Variants in SCHIP1 observed in about 807,000 individuals in gnomAD.
The protein encoded by SCHIP1 is schwannomin-interacting protein 1.
In SCHIP1, 8 loss-of-function variants were observed where a neutral mutation model predicts 29.7. That is an observed-to-expected ratio of 0.27 (90% CI 0.16 to 0.49). SCHIP1 has a LOEUF of 0.49. SCHIP1 is among the 20% of genes least tolerant of loss of function. The probability of loss-of-function intolerance (pLI) is 0.99; values close to 1 mark genes in which losing one functional copy is unlikely to be tolerated. For missense variants in SCHIP1, 193 were observed against 294.6 expected (o/e 0.66, Z 2.52); for synonymous variants, 76 against 94.9 (o/e 0.80, Z 1.16).
the SCHIP1 span, among the ~76,000 whole-genome samples, chr3:159,346,453 T>A: frequency 6.6e-6 from 1 of 151,988 alleles, no homozygotes; most frequent in African/African-American, 2.4e-5. Flanking sequence ...AGGAAAAAAA[T>A]GAAAGCATAT....
chr3:159,616,254 A>G, the SCHIP1 span, among the ~76,000 whole-genome samples: 1 of 152,142 alleles, frequency 6.6e-6, no homozygotes, highest in Non-Finnish European at 1.5e-5. Flanking sequence ...ATGTGCCACC[A>G]TGCCCAACTA....
the SCHIP1 span, among the ~76,000 whole-genome samples, chr3:159,365,461 C>T: frequency 6.6e-6 from 1 of 152,080 alleles, no homozygotes; most frequent in Non-Finnish European, 1.5e-5. Context: ...ATCACTTTCT[C>T]ATACTATATA....
the SCHIP1 span, chr3:159,273,683 C>G: frequency 4.8e-6 from 7 of 1,443,994 alleles, no homozygotes; most frequent in Non-Finnish European, 6.4e-6. Context: ...AAAAGCATCA[C>G]TTATTTAGTG....
intron 1 of SCHIP1, among the ~76,000 whole-genome samples, chr3:159,860,520 C>CT: frequency 6.6e-6 from 1 of 152,262 alleles, no homozygotes; most frequent in African/African-American, 2.4e-5. Flanking sequence ...GGATGCTAGA[C>CT]GTGGTATCTG....
the SCHIP1 span, among the ~76,000 whole-genome samples, chr3:159,665,002 A>T: frequency 6.6e-6 from 1 of 152,232 alleles, no homozygotes; most frequent in Admixed American, 6.5e-5. Context: ...AAAGGCCTGA[A>T]AACCAGGAGT....
chr3:159,349,228 G>T, the SCHIP1 span, among the ~76,000 whole-genome samples: 1 of 152,166 alleles, frequency 6.6e-6, no homozygotes, highest in African/African-American at 2.4e-5. Context: ...CCAGTGATAT[G>T]AGACAGCACC....
the SCHIP1 span, among the ~76,000 whole-genome samples, chr3:159,795,353 G>C: frequency 1.3e-5 from 2 of 152,192 alleles, no homozygotes; most frequent in African/African-American, 4.8e-5. Context: ...CCACTCACTA[G>C]CTATGTGATC....
At chr3:159,809,852 T>C in the SCHIP1 span, among the ~76,000 whole-genome samples, 5 of 151,814 alleles carry the variant, frequency 3.3e-5, no homozygotes, top group Non-Finnish European at 5.9e-5. Flanking sequence ...AATACAAAAA[T>C]TAGCTGGGGC....
At chr3:159,519,869 AAAT>A in the SCHIP1 span, among the ~76,000 whole-genome samples, 2 of 143,792 alleles carry the variant, frequency 1.4e-5, no homozygotes, top group South Asian at 2.3e-4. Flanking sequence ...AAGAAAAAAA[AAAT>A]ATATATATAT....
chr3:159,737,213 C>T, the SCHIP1 span, among the ~76,000 whole-genome samples: 1 of 152,144 alleles, frequency 6.6e-6, no homozygotes, highest in Non-Finnish European at 1.5e-5. Flanking sequence ...ACATCCTTCT[C>T]CCCTGACTTT....
chr3:159,392,596 AATG>A, the SCHIP1 span, among the ~76,000 whole-genome samples: 1 of 151,912 alleles, frequency 6.6e-6, no homozygotes, highest in Non-Finnish European at 1.5e-5. Context: ...GTTTACTGAG[AATG>A]ATGATTTCCA....
chr3:159,513,355 T>G, the SCHIP1 span, among the ~76,000 whole-genome samples: 3 of 152,224 alleles, frequency 2.0e-5, no homozygotes, highest in African/African-American at 7.2e-5. Context: ...CCTTGTTACT[T>G]TTGTTTAAGA....
chr3:159,747,847 G>A, the SCHIP1 span, among the ~76,000 whole-genome samples: 11 of 152,146 alleles, frequency 7.2e-5, no homozygotes, highest in African/African-American at 2.7e-4. Context: ...AATATCTTTT[G>A]AGCTTTCCAA....
chr3:159,484,723 C>A, the SCHIP1 span, among the ~76,000 whole-genome samples: 1 of 152,082 alleles, frequency 6.6e-6, no homozygotes, highest in Non-Finnish European at 1.5e-5. Flanking sequence ...TGATTAAAAT[C>A]ATGTTATTAT....
chr3:159,714,667 C>A, the SCHIP1 span, among the ~76,000 whole-genome samples: 3 of 152,192 alleles, frequency 2.0e-5, no homozygotes, highest in Non-Finnish European at 4.4e-5. Context: ...AGTCTGAGAC[C>A]AAACTGCAAG....
At chr3:159,294,903 C>T in the SCHIP1 span, among the ~76,000 whole-genome samples, 2 of 152,034 alleles carry the variant, frequency 1.3e-5, no homozygotes, top group Non-Finnish European at 2.9e-5. Flanking sequence ...ATTAGGAATA[C>T]TCTTCATAAG....
the SCHIP1 span, among the ~76,000 whole-genome samples, chr3:159,397,930 G>A: frequency 1.3e-5 from 2 of 152,210 alleles, no homozygotes; most frequent in Non-Finnish European, 2.9e-5. Flanking sequence ...CAGCCTCGCT[G>A]CCACCTTGCA....
chr3:159,437,565 A>T, the SCHIP1 span, among the ~76,000 whole-genome samples: 1 of 152,036 alleles, frequency 6.6e-6, no homozygotes, highest in South Asian at 2.1e-4. Flanking sequence ...CCCATGACAG[A>T]TAGTCAGTAA....
chr3:159,526,421 A>C, the SCHIP1 span, among the ~76,000 whole-genome samples: 7 of 152,106 alleles, frequency 4.6e-5, no homozygotes, highest in African/African-American at 1.7e-4. Flanking sequence ...CTCCCACCTC[A>C]GCCTCCTAAA....
Sources: gnomAD v4.1 joint callset for allele counts (sites outside exome capture counted in the v4.1 genomes callset) on GRCh38, gnomAD v4.1.1 for gene constraint, MANE v1.5 for transcripts, NCBI Gene and HGNC (gene_info 2026-07-23, HGNC 2026-07-21) for gene names.